The following RALYL variants were observed in gnomAD, a reference collection of about 807,000 sequenced individuals.
The protein encoded by RALYL is RNA-binding Raly-like protein.
In RALYL, 29 loss-of-function variants were observed where a neutral mutation model predicts 35.1. The ratio of observed to expected loss-of-function variants is 0.83; its 90% CI spans 0.61 to 1.13. The LOEUF is 1.13. Ranked by LOEUF, RALYL falls within the 50% of genes most tolerant of loss-of-function variation. The pLI, the probability that RALYL is intolerant of heterozygous loss-of-function variation, is 0.00. For synonymous variants in RALYL, 120 were observed against 127.6 expected (o/e 0.94, Z 0.40); for missense variants, 359 against 360.4 (o/e 1.00, Z 0.03).
At chr8:84,874,461 C>T (rs954935509) in intron 7 of RALYL, among the ~76,000 whole-genome samples, 1 of 152,128 alleles carries the variant, frequency 6.6e-6, no homozygotes, top group East Asian at 1.9e-4. Context: ...CCATTTACAG[C>T]CCCAATCTCA....
chr8:84,345,524 G>A (rs1849680500), intron 1 of RALYL, among the ~76,000 whole-genome samples: 1 of 151,906 alleles, frequency 6.6e-6, no homozygotes, highest in Admixed American at 6.6e-5. Flanking sequence ...GTCTTTTTAT[G>A]TATTCTGTAA....
At chr8:84,318,902 A>T (rs560499018) in intron 1 of RALYL, among the ~76,000 whole-genome samples, 3 of 152,280 alleles carry the variant, frequency 2.0e-5, no homozygotes, top group Admixed American at 2.0e-4. Context: ...TCCTCCTCAT[A>T]AAAGTCTTAC....
intron 2 of RALYL, among the ~76,000 whole-genome samples, chr8:84,531,718 T>G (rs1338850585): frequency 6.6e-6 from 1 of 152,044 alleles, no homozygotes; most frequent in Non-Finnish European, 1.5e-5. Context: ...GTTTGAAAAA[T>G]TAATTATCAG....
intron 2 of RALYL, among the ~76,000 whole-genome samples, chr8:84,567,355 A>G (rs1168599419): frequency 2.0e-5 from 3 of 151,560 alleles, no homozygotes; most frequent in African/African-American, 7.3e-5. Flanking sequence ...TTTCAAACTC[A>G]CCCTCTACCA....
chr8:84,642,831 T>C (rs1826667554), intron 2 of RALYL, among the ~76,000 whole-genome samples: 1 of 152,004 alleles, frequency 6.6e-6, no homozygotes, highest in South Asian at 2.1e-4. Flanking sequence ...TTGAGCCACC[T>C]CAAGGTTCAG....
chr8:84,351,756 A>G (rs1158332823), intron 1 of RALYL, among the ~76,000 whole-genome samples: 1 of 150,342 alleles, frequency 6.7e-6, no homozygotes, highest in East Asian at 1.9e-4. Flanking sequence ...TTGTTCCATA[A>G]CTTTATTAAA....
intron 2 of RALYL, among the ~76,000 whole-genome samples, chr8:84,577,872 A>G (rs534672153): frequency 1.2e-4 from 19 of 152,248 alleles, no homozygotes; most frequent in Non-Finnish European, 2.8e-4. Context: ...ATAGTCTAAC[A>G]AAACATAGTA....
chr8:84,424,718 G>T (rs1312018644), intron 1 of RALYL, among the ~76,000 whole-genome samples: 1 of 152,026 alleles, frequency 6.6e-6, no homozygotes, highest in East Asian at 1.9e-4. Context: ...TGATGTACAG[G>T]TGGGTTTTTG....
intron 1 of RALYL, among the ~76,000 whole-genome samples, chr8:84,439,082 T>C (rs10088586): frequency 0.04 from 6,084 of 152,256 alleles, 247 homozygotes; most frequent in African/African-American, 0.1. Flanking sequence ...TCTTTTATGT[T>C]TCCACGTTAA....
At chr8:84,749,605 G>C (rs920853730) in intron 2 of RALYL, among the ~76,000 whole-genome samples, 1 of 152,114 alleles carries the variant, frequency 6.6e-6, no homozygotes, top group African/African-American at 2.4e-5. Flanking sequence ...AGTTGAATGA[G>C]TCAGACAAAA....
chr8:84,708,446 C>G (rs1052605444), intron 2 of RALYL, among the ~76,000 whole-genome samples: 1 of 152,064 alleles, frequency 6.6e-6, no homozygotes, highest in Non-Finnish European at 1.5e-5. Flanking sequence ...GCAGATCTTA[C>G]TTGTGCAAAA....
At chr8:84,418,274 G>T (rs1018393224) in intron 1 of RALYL, among the ~76,000 whole-genome samples, 3 of 152,160 alleles carry the variant, frequency 2.0e-5, no homozygotes, top group Admixed American at 6.6e-5. Flanking sequence ...CTATATATCT[G>T]CTTCCTCATC....
At chr8:84,720,868 T>G (rs1160112333) in intron 2 of RALYL, among the ~76,000 whole-genome samples, 1 of 151,832 alleles carries the variant, frequency 6.6e-6, no homozygotes, top group Non-Finnish European at 1.5e-5. Flanking sequence ...TACAAACGGA[T>G]AGCAGATATA....
chr8:84,642,521 G>A (rs1001480763), intron 2 of RALYL, among the ~76,000 whole-genome samples: 1 of 151,984 alleles, frequency 6.6e-6, no homozygotes, highest in African/African-American at 2.4e-5. Context: ...ACAAGATAGA[G>A]AGCTTTAGAA....
At chr8:84,610,208 T>A (rs1052683016) in intron 2 of RALYL, among the ~76,000 whole-genome samples, 1 of 152,084 alleles carries the variant, frequency 6.6e-6, no homozygotes, top group African/African-American at 2.4e-5. Flanking sequence ...TGTTCCGGGA[T>A]CCCATTTAGA....
intron 2 of RALYL, among the ~76,000 whole-genome samples, chr8:84,615,514 T>G (rs1346720359): frequency 6.7e-6 from 1 of 149,656 alleles, no homozygotes; most frequent in Non-Finnish European, 1.5e-5. Flanking sequence ...GTTTAAACAG[T>G]GTACTACAAA....
At chr8:84,694,712 A>G (rs1838783302) in intron 2 of RALYL, among the ~76,000 whole-genome samples, 1 of 151,866 alleles carries the variant, frequency 6.6e-6, no homozygotes, top group Non-Finnish European at 1.5e-5. Flanking sequence ...ATATATTACA[A>G]AGCTATAGTA....
At chr8:84,311,338 A>G (rs1842779704) in intron 1 of RALYL, among the ~76,000 whole-genome samples, 1 of 152,008 alleles carries the variant, frequency 6.6e-6, no homozygotes. Context: ...TTCCAGGCAT[A>G]TAAGCATTAT....
intron 1 of RALYL, among the ~76,000 whole-genome samples, chr8:84,266,811 T>G (rs894758380): frequency 4.6e-5 from 7 of 151,634 alleles, no homozygotes; most frequent in Non-Finnish European, 1.0e-4. Context: ...ATACAAAAAA[T>G]TAGCCGGGCG....
Sources: allele counts gnomAD v4.1 joint callset (sites outside exome capture counted in the v4.1 genomes callset), GRCh38; gene constraint gnomAD v4.1.1; transcripts MANE v1.5; gene names NCBI Gene and HGNC (gene_info 2026-07-23, HGNC 2026-07-21).